Variants in FHIT observed in about 807,000 individuals in gnomAD.
FHIT encodes fragile histidine triad diadenosine triphosphatase.
FHIT carries 19 observed loss-of-function variants against 17.9 expected under a neutral mutation model. That is an observed-to-expected ratio of 1.06 (90% CI 0.74 to 1.56). The LOEUF is 1.56. Ranked by LOEUF, FHIT falls within the 40% of genes most tolerant of loss-of-function variation. FHIT has a pLI of 0.00. For synonymous variants in FHIT, 81 were observed against 69.7 expected, an observed-to-expected ratio of 1.16 and a Z score of -0.81; for missense variants, 248 against 189.2, an observed-to-expected ratio of 1.31 and a Z score of -1.82.
intron 3 of FHIT, among the ~76,000 whole-genome samples, chr3:60,833,301 G>T (rs568893616): frequency 6.6e-6 from 1 of 152,316 alleles, no homozygotes; most frequent in South Asian, 2.1e-4. Flanking sequence ...GGGAGAGGCA[G>T]TTCCCAGGCT....
chr3:60,256,643 C>A (rs1331522110), intron 5 of FHIT, among the ~76,000 whole-genome samples: 1 of 152,214 alleles, frequency 6.6e-6, no homozygotes, highest in Non-Finnish European at 1.5e-5. Context: ...TCTCCTTTCT[C>A]ATCTCCCACT....
intron 5 of FHIT, among the ~76,000 whole-genome samples, chr3:60,443,536 G>A (rs1468871001): frequency 6.6e-6 from 1 of 152,094 alleles, no homozygotes; most frequent in African/African-American, 2.4e-5. Flanking sequence ...ATAATTATGT[G>A]GTTTTTGTCT....
chr3:60,140,884 GAC>G (rs1700013515), intron 5 of FHIT, among the ~76,000 whole-genome samples: 1 of 152,088 alleles, frequency 6.6e-6, no homozygotes, highest in African/African-American at 2.4e-5. Flanking sequence ...AGCCGGGAGA[GAC>G]ACAGACTCTT....
At chr3:59,996,083 A>G (rs548518402) in intron 7 of FHIT, among the ~76,000 whole-genome samples, 1 of 152,184 alleles carries the variant, frequency 6.6e-6, no homozygotes, top group Admixed American at 6.6e-5. Context: ...AGGTTCTCAA[A>G]AAAACAAAAC....
chr3:60,724,845 C>T (rs1553708986), intron 4 of FHIT, among the ~76,000 whole-genome samples: 1 of 151,922 alleles, frequency 6.6e-6, no homozygotes, highest in Non-Finnish European at 1.5e-5. Context: ...GATGGGGTTT[C>T]ACCATGTTGG....
chr3:60,495,157 A>G (rs539548531), intron 5 of FHIT, among the ~76,000 whole-genome samples: 27 of 152,162 alleles, frequency 1.8e-4, no homozygotes, highest in African/African-American at 6.5e-4. Context: ...TTTTGGATAT[A>G]AGCCATTTTA....
chr3:60,602,823 A>G (rs1365319327), intron 4 of FHIT, among the ~76,000 whole-genome samples: 2 of 152,150 alleles, frequency 1.3e-5, no homozygotes, highest in African/African-American at 4.8e-5. Context: ...GCCTGTATAA[A>G]AAAGACCTCA....
intron 4 of FHIT, among the ~76,000 whole-genome samples, chr3:60,623,607 A>G (rs1553679591): frequency 6.6e-6 from 1 of 152,228 alleles, no homozygotes; most frequent in Non-Finnish European, 1.5e-5. Flanking sequence ...TGACTTATAA[A>G]AAACAATTGC....
At chr3:60,450,207 A>C (rs1273031759) in intron 5 of FHIT, among the ~76,000 whole-genome samples, 3 of 139,712 alleles carry the variant, frequency 2.1e-5, no homozygotes, top group East Asian at 2.0e-4. Flanking sequence ...GGTTACACTA[A>C]ATTTATTAAA....
intron 3 of FHIT, among the ~76,000 whole-genome samples, chr3:60,882,509 A>C (rs1705025758): frequency 6.6e-6 from 1 of 152,182 alleles, no homozygotes; most frequent in Non-Finnish European, 1.5e-5. Flanking sequence ...CATTAAAAAG[A>C]ACATTCACCA....
intron 4 of FHIT, among the ~76,000 whole-genome samples, chr3:60,649,790 A>G (rs999563955): frequency 2.6e-5 from 4 of 152,092 alleles, no homozygotes; most frequent in African/African-American, 9.7e-5. Flanking sequence ...TATTACTTTT[A>G]TAATCTGGAA....
chr3:60,601,760 A>G (rs573297607), intron 4 of FHIT, among the ~76,000 whole-genome samples: 1 of 152,194 alleles, frequency 6.6e-6, no homozygotes, highest in South Asian at 2.1e-4. Flanking sequence ...CAGTTTCCTC[A>G]TAAGTGTTTT....
At chr3:61,045,236 C>A (rs111342971) in intron 2 of FHIT, among the ~76,000 whole-genome samples, 59 of 152,130 alleles carry the variant, frequency 3.9e-4, no homozygotes, top group South Asian at 2.3e-3. Context: ...TTCAGGAGAC[C>A]CATCTAACAT....
intron 4 of FHIT, among the ~76,000 whole-genome samples, chr3:60,637,659 A>T (rs185694282): frequency 1.3e-5 from 2 of 152,326 alleles, no homozygotes; most frequent in East Asian, 3.9e-4. Context: ...TTCCCATTTC[A>T]TAGATGTGAA....
intron 4 of FHIT, among the ~76,000 whole-genome samples, chr3:60,783,376 G>C (rs1390803227): frequency 3.3e-5 from 5 of 152,192 alleles, no homozygotes; most frequent in African/African-American, 9.6e-5. Flanking sequence ...TCTGTAGTCA[G>C]AGGTCAGAGG....
chr3:60,715,133 T>A (rs2041648448), intron 4 of FHIT, among the ~76,000 whole-genome samples: 1 of 152,148 alleles, frequency 6.6e-6, no homozygotes, highest in South Asian at 2.1e-4. Context: ...TAATGCCGCA[T>A]ATCTACAACT....
chr3:61,169,536 A>C (rs1310893763), intron 2 of FHIT, among the ~76,000 whole-genome samples: 2 of 152,200 alleles, frequency 1.3e-5, no homozygotes, highest in Non-Finnish European at 2.9e-5. Context: ...TAAAAACTTT[A>C]AATTTTGAGT....
chr3:59,822,134 C>T (rs1559636185), intron 8 of FHIT, among the ~76,000 whole-genome samples: 1 of 152,194 alleles, frequency 6.6e-6, no homozygotes, highest in Non-Finnish European at 1.5e-5. Flanking sequence ...TTAATTTGTT[C>T]CTTTTTATAG....
intron 5 of FHIT, among the ~76,000 whole-genome samples, chr3:60,393,040 T>C (rs552795757): frequency 1.3e-5 from 2 of 152,254 alleles, no homozygotes; most frequent in South Asian, 4.2e-4. Flanking sequence ...GACAATTTTG[T>C]GAGAGTTTTG....
Sources: gnomAD v4.1 joint callset for allele counts (sites outside exome capture counted in the v4.1 genomes callset) on GRCh38, gnomAD v4.1.1 for gene constraint, MANE v1.5 for transcripts, NCBI Gene and HGNC (gene_info 2026-07-23, HGNC 2026-07-21) for gene names.